BCAS3: variants seen among roughly 807,000 people sequenced by gnomAD.
The protein encoded by BCAS3 is BCAS3 microtubule associated cell migration factor, also known as BCAS4/BCAS3 fusion.
A neutral mutation model predicts 116.1 loss-of-function variants in BCAS3; 53 were observed. The ratio of observed to expected loss-of-function variants is 0.46; its 90% confidence interval spans 0.37 to 0.57. The LOEUF (loss-of-function observed/expected upper bound fraction) is 0.57, where lower values mean the gene tolerates loss of function less well. Ranked by LOEUF, BCAS3 falls within the 20% of genes least tolerant of loss-of-function variation. The pLI, the probability that BCAS3 is intolerant of heterozygous loss-of-function variation, is 0.00. For missense variants in BCAS3, 917 were observed against 1,165.4 expected, an observed-to-expected ratio of 0.79 and a Z score of 3.10; for synonymous variants, 391 against 408.2, an observed-to-expected ratio of 0.96 and a Z score of 0.51.
rs899828257 is a variant in BCAS3 at position 61,116,007 on chromosome 17, C to T, written c.2425+31443C>T. Among the ~76,000 whole-genome samples, 13 of 147,810 alleles carry T rather than the reference C, an allele frequency of 8.8e-5. No homozygotes were observed. In the East Asian group the frequency reaches 1.0e-3, roughly 11 times the overall value. On this transcript the variant is annotated intron_variant, in intron 22 of 23. Coordinates refer to ENST00000407086, the MANE Select transcript of BCAS3 (RefSeq NM_017679.5). ...ATCGCAAGAACAAAAAACCAAACAC[C>T]GCATATTCTCACTCATAGGTGGGAA...
rs986499203 is a variant in BCAS3 at position 61,286,478 on chromosome 17, T to A, written c.2426-81849T>A. Among the ~76,000 whole-genome samples the A allele has an allele frequency of 6.6e-6, 1 of 152,150 alleles. No individual in the cohort carries two copies. The highest frequency in any genetic ancestry group is 1.5e-5 in the Non-Finnish European group (1 of 68,044). ...GTGGTGTTTATGACCCTGGAGGCCA[T>A]CGATAACTGGACCTAGAAGGGTTTC... On this transcript the variant is annotated intron_variant, in intron 22 of 23. Transcript: ENST00000407086. The surrounding 1 kb of genome is among the most constrained non-coding windows in gnomAD (Gnocchi z 4.8).
At chr17:60,810,845 A>G (rs1367904103) in intron 7 of BCAS3, 2 of 701,596 alleles carry the variant, frequency 2.9e-6, no homozygotes, top group African/African-American at 1.7e-5. Context: ...CTACAAGCCC[A>G]GACTGCCAGC....
intron 14 of BCAS3, among the ~76,000 whole-genome samples, chr17:60,948,801 A>C (rs746185463): frequency 6.6e-5 from 10 of 152,168 alleles, no homozygotes; most frequent in Admixed American, 2.0e-4. Flanking sequence ...TACAGTGTTT[A>C]CCCCACTTTT....
intron 7 of BCAS3, among the ~76,000 whole-genome samples, chr17:60,845,283 G>T (rs1403414172): frequency 1.3e-5 from 2 of 152,280 alleles, no homozygotes; most frequent in African/African-American, 4.8e-5. Flanking sequence ...AGTCCATCTC[G>T]TGAAGGTCTT....
At chr17:60,968,215 C>A (rs911905382) in intron 14 of BCAS3, among the ~76,000 whole-genome samples, 1 of 151,892 alleles carries the variant, frequency 6.6e-6, no homozygotes, top group Admixed American at 6.6e-5. Flanking sequence ...TTGCTTAGTG[C>A]ATTTTTTTTA....
rs2061341329 is a variant in BCAS3 at position 60,960,111 on chromosome 17, T to C, written c.1221+12759T>C. 6.6e-6 allele frequency among the ~76,000 whole-genome samples: 1 copy of C among 152,196 alleles called. No homozygotes were observed. The highest frequency in any genetic ancestry group is 2.1e-4 in the South Asian group (1 of 4,826). ...TGATCCTTTGAGGGATGTGGACATG[T>C]CTTTTGGGGGCTATAATTCACTTCT... On this transcript the variant is annotated intron_variant, in intron 14 of 23. Coordinates refer to ENST00000407086, the MANE Select transcript of BCAS3 (RefSeq NM_017679.5). This position sits in a 1 kb window ranked among gnomAD's most constrained non-coding sequence, Gnocchi z 4.1.
chr17:61,006,139 A>T (rs1392406637), intron 15 of BCAS3, among the ~76,000 whole-genome samples: 1 of 152,084 alleles, frequency 6.6e-6, no homozygotes, highest in Non-Finnish European at 1.5e-5. Flanking sequence ...ATCATTTTTC[A>T]TGGCTGCATA....
rs2047543472 is a variant in BCAS3, at chr17:61,241,763, A to T, written c.2426-126564A>T. ...AATAGTTTGGAGGTAAAATGAGTCT[A>T]AAAAATGTACTTACCTATTTTTTCT... On this transcript the variant is annotated intron_variant, in intron 22 of 23. Coordinates refer to ENST00000407086, the MANE Select transcript of BCAS3 (RefSeq NM_017679.5). This position sits in a 1 kb window ranked among gnomAD's most constrained non-coding sequence, Gnocchi z 4.6. Among the ~76,000 whole-genome samples, 1 of 152,156 alleles carries T rather than the reference A, an allele frequency of 6.6e-6. No homozygotes were observed. Among genetic ancestry groups the T allele is most frequent in the Admixed American group, 6.5e-5 (1 of 15,278 alleles).
At chr17:61,001,567 A>G (rs2064239335) in intron 15 of BCAS3, among the ~76,000 whole-genome samples, 2 of 152,178 alleles carry the variant, frequency 1.3e-5, no homozygotes, top group South Asian at 4.1e-4. Flanking sequence ...TTGCCAAGAA[A>G]AATCAATCAA....
chr17:60,683,603 G>A (rs2033570914), intron 2 of BCAS3, among the ~76,000 whole-genome samples: 1 of 139,400 alleles, frequency 7.2e-6, no homozygotes, highest in South Asian at 2.3e-4. Flanking sequence ...AGACTGAGGC[G>A]GGAGGATCGC....
intron 12 of BCAS3, among the ~76,000 whole-genome samples, chr17:60,914,743 A>G (rs2058692103): frequency 6.6e-6 from 1 of 152,144 alleles, no homozygotes; most frequent in South Asian, 2.1e-4. Flanking sequence ...GACCTTTATA[A>G]TTGATTCACT....
intron 7 of BCAS3, among the ~76,000 whole-genome samples, chr17:60,818,214 CTG>C (rs1312534111): frequency 2.0e-5 from 3 of 152,142 alleles, no homozygotes; most frequent in Non-Finnish European, 4.4e-5. Flanking sequence ...TCAAAATTGA[CTG>C]TTTATTAAAT....
At chr17:60,893,713 A>AT (rs2145021383) in intron 10 of BCAS3, among the ~76,000 whole-genome samples, 1 of 143,334 alleles carries the variant, frequency 7.0e-6, no homozygotes, top group East Asian at 2.1e-4. Context: ...GGTTCAAGTG[A>AT]TTCTTTCACC....
chr17:61,290,612 A>C (rs1371288850), intron 22 of BCAS3, among the ~76,000 whole-genome samples: 2 of 152,136 alleles, frequency 1.3e-5, no homozygotes, highest in Non-Finnish European at 2.9e-5. Flanking sequence ...GGGTGCCTCT[A>C]ATTTGTTTAC....
At chr17:61,301,783 G>A (rs1427063865) in intron 22 of BCAS3, among the ~76,000 whole-genome samples, 1 of 152,028 alleles carries the variant, frequency 6.6e-6, no homozygotes, top group Non-Finnish European at 1.5e-5. Context: ...CCAAATTCAT[G>A]GACCACCTGA....
At position 61,265,697 on chromosome 17, in the gene BCAS3, T is replaced by C. The variant is rs2049633116; in HGVS notation, c.2426-102630T>C. Among the ~76,000 whole-genome samples, 1 of 80,932 alleles carries C rather than the reference T, an allele frequency of 1.2e-5. No individual in the cohort carries two copies. The highest frequency in any genetic ancestry group is 3.1e-5 in the Non-Finnish European group (1 of 32,000). The allele number at this position is 80,932 out of a possible 152,430, so 53.1% of individuals were successfully genotyped here. A position where few individuals can be genotyped will look rare whatever the true frequency, so the allele number is the denominator to read the frequency against. On this transcript the variant is annotated intron_variant, in intron 22 of 23. Transcript: ENST00000407086. The surrounding 1 kb of genome is among the most constrained non-coding windows in gnomAD (Gnocchi z 4.3). ...AACTATGTAACACCATCATTCTTTT[T>C]TCCCCCCCATCAAGTAGTATATCTG...
At chr17:61,289,960 G>A (rs909303289) in intron 22 of BCAS3, among the ~76,000 whole-genome samples, 1 of 152,168 alleles carries the variant, frequency 6.6e-6, no homozygotes, top group Non-Finnish European at 1.5e-5. Context: ...TTCAAAGTGT[G>A]AGCAAAGCAA....
chr17:60,910,617 T>C lies in BCAS3; in HGVS notation c.908T>C (p.Val303Ala). 3 of 1,613,756 alleles carry C rather than the reference T, an allele frequency of 1.9e-6. No individual in the cohort carries two copies. The highest frequency in any genetic ancestry group is 2.5e-6 in the Non-Finnish European group (3 of 1,179,832). Reference protein sequence around the residue: ...TLPSGVTEDDVAIHSNSRRSP... With the variant: ...TLPSGVTEDDAAIHSNSRRSP... ...CCTTCAGGTGTGACAGAAGATGATGTTGCCATCCACAGTAATTCACGGCGG... is the reference window on the plus strand; with the variant it reads ...CCTTCAGGTGTGACAGAAGATGATGCTGCCATCCACAGTAATTCACGGCGG... The change falls in exon 12 of 24, where the codon GTT (valine) becomes GCT (alanine). Residue 303 changes from valine (V) to alanine (A), a missense_variant. Physicochemically the swap from Val to Ala is moderately conservative, Grantham distance 64. This residue lies in a region of BCAS3 where 807 missense variants were observed against 1,026.0 expected (regional missense o/e 0.79). Coordinates refer to ENST00000407086, the MANE Select transcript of BCAS3 (RefSeq NM_017679.5).
chr17:60,968,782 G>A (rs2145337390), intron 14 of BCAS3, among the ~76,000 whole-genome samples: 1 of 152,200 alleles, frequency 6.6e-6, no homozygotes, highest in African/African-American at 2.4e-5. Flanking sequence ...GTCTCCTTTG[G>A]CCAAGTAATG....
Sources: allele counts gnomAD v4.1 joint callset (sites outside exome capture counted in the v4.1 genomes callset), GRCh38; gene constraint gnomAD v4.1.1; regional missense constraint gnomAD v4.1.1; non-coding constraint Gnocchi (gnomAD v3.1); transcripts MANE v1.5; gene names NCBI Gene and HGNC (gene_info 2026-07-23, HGNC 2026-07-21).